SDK1: variants seen among roughly 807,000 people sequenced by gnomAD.
The protein encoded by SDK1 is sidekick cell adhesion molecule 1, also known as protein sidekick-1.
A neutral mutation model predicts 245.5 loss-of-function variants in SDK1; 157 were observed. That is an observed-to-expected ratio of 0.64 (90% confidence interval 0.56 to 0.73). SDK1 has a LOEUF of 0.73. Among genes scored for constraint, SDK1 ranks in the 30% least tolerant of loss-of-function variants. The probability of loss-of-function intolerance (pLI) is 0.00; values close to 1 mark genes in which losing one functional copy is unlikely to be tolerated. For missense variants in SDK1, 3,583 were observed against 3,002.3 expected (o/e 1.19, Z -4.52); for synonymous variants, 1,647 against 1,278.5 (o/e 1.29, Z -6.15).
At chr7:3,424,818 G>A (rs1003735738) in intron 1 of SDK1, among the ~76,000 whole-genome samples, 1 of 152,104 alleles carries the variant, frequency 6.6e-6, no homozygotes, top group South Asian at 2.1e-4. Context: ...GATCCCTTGA[G>A]CCCAGGAAGT....
chr7:3,644,802 A>AAAAAAAAAAAG (rs1297841435), intron 4 of SDK1, among the ~76,000 whole-genome samples: 3 of 133,148 alleles, frequency 2.3e-5, no homozygotes, highest in African/African-American at 2.7e-5. Flanking sequence ...ACAAAAAACA[A>AAAAAAAAAAAG]CAACAACGGC....
intron 5 of SDK1, among the ~76,000 whole-genome samples, chr7:3,929,090 C>T (rs957242036): frequency 1.3e-5 from 2 of 152,222 alleles, no homozygotes; most frequent in Non-Finnish European, 2.9e-5. Flanking sequence ...GAATGCCCCT[C>T]GAAGGAGTCT....
intron 35 of SDK1, among the ~76,000 whole-genome samples, chr7:4,197,551 CA>C (rs1291118601): frequency 6.6e-6 from 1 of 152,184 alleles, no homozygotes; most frequent in Non-Finnish European, 1.5e-5. Flanking sequence ...GCTTCGCGGT[CA>C]AGGCCTAATA....
chr7:4,001,155 G>C (rs1179314121), intron 14 of SDK1, among the ~76,000 whole-genome samples: 1 of 152,190 alleles, frequency 6.6e-6, no homozygotes, highest in African/African-American at 2.4e-5. Context: ...AATACAGCGT[G>C]GCTCCCATAG....
chr7:3,881,357 G>T (rs186193910), intron 5 of SDK1, among the ~76,000 whole-genome samples: 1 of 152,266 alleles, frequency 6.6e-6, no homozygotes, highest in Admixed American at 6.5e-5. Flanking sequence ...TGAAGTGTTT[G>T]GTTTTCTGTT....
At chr7:3,454,998 T>A (rs1443477517) in intron 1 of SDK1, among the ~76,000 whole-genome samples, 1 of 152,230 alleles carries the variant, frequency 6.6e-6, no homozygotes, top group Non-Finnish European at 1.5e-5. Flanking sequence ...TTTGGTGTTA[T>A]CCTTATTTTT....
At chr7:3,591,406 A>G (rs1029945637) in intron 1 of SDK1, among the ~76,000 whole-genome samples, 2 of 152,230 alleles carry the variant, frequency 1.3e-5, no homozygotes, top group Non-Finnish European at 2.9e-5. Flanking sequence ...CTGGCCGCCT[A>G]GGGGAGACCT....
At chr7:4,113,260 G>T (rs368027991) in intron 23 of SDK1, 29 bp from the exon 24 acceptor site, 1 of 1,603,716 alleles carries the variant, frequency 6.2e-7, no homozygotes, top group Admixed American at 1.7e-5. Flanking sequence ...TTGCTTTGCC[G>T]TGACTCTCAT....
In SDK1 at chr7:4,265,187, G is replaced by A. The variant is rs1583207966; in HGVS notation, c.6445G>A (p.Asp2149Asn). Residue 2149 changes from aspartate to asparagine, a missense_variant, in exon 45 of 45, where the codon GAC (aspartate) becomes AAC (asparagine). Physicochemically the swap from Asp to Asn is conservative, Grantham distance 23. Transcript: ENST00000404826. ...KHSFVNHYMS[D>N]PTYYNSWKRR... Reference sequence around the variant, plus strand: ...CTCCTTCGTGAACCACTACATGAGCGACCCCACCTACTACAACTCATGGAA... The same window carrying A: ...CTCCTTCGTGAACCACTACATGAGCAACCCCACCTACTACAACTCATGGAA... 6.2e-7 allele frequency: 1 copy of A among 1,612,178 alleles called. No homozygotes were observed. Among genetic ancestry groups the A allele is most frequent in the East Asian group, 2.2e-5 (1 of 44,848 alleles).
chr7:3,919,068 A>G (rs1395284784), intron 5 of SDK1, among the ~76,000 whole-genome samples: 2 of 152,226 alleles, frequency 1.3e-5, no homozygotes, highest in Non-Finnish European at 2.9e-5. Context: ...AATGTATGCT[A>G]TCACTAATAT....
chr7:3,978,773 A>G (rs1478744547), intron 13 of SDK1, among the ~76,000 whole-genome samples: 1 of 152,212 alleles, frequency 6.6e-6, no homozygotes, highest in Non-Finnish European at 1.5e-5. Context: ...AAAATCTCAT[A>G]TTGCCAAAGG....
At chr7:4,133,530 G>A (rs1243527603) in intron 28 of SDK1, among the ~76,000 whole-genome samples, 1 of 152,212 alleles carries the variant, frequency 6.6e-6, no homozygotes, top group Admixed American at 6.5e-5. Context: ...CTCTGTGGGT[G>A]GAAGTCTCCT....
At chr7:4,222,781 G>T (rs1272728365) in intron 40 of SDK1, among the ~76,000 whole-genome samples, 1 of 152,184 alleles carries the variant, frequency 6.6e-6, no homozygotes, top group Non-Finnish European at 1.5e-5. Context: ...GGTAAAGGAT[G>T]TGAGTTTGGC....
intron 4 of SDK1, among the ~76,000 whole-genome samples, chr7:3,675,886 G>A (rs1783877148): frequency 6.6e-6 from 1 of 152,068 alleles, no homozygotes; most frequent in Non-Finnish European, 1.5e-5. Flanking sequence ...GTTGTTTTTT[G>A]CTTGCTGATT....
At chr7:3,690,666 G>C (rs1374340367) in intron 4 of SDK1, among the ~76,000 whole-genome samples, 2 of 152,286 alleles carry the variant, frequency 1.3e-5, no homozygotes, top group African/African-American at 4.8e-5. Context: ...TAGAAAGTAA[G>C]AAAGCAGGTC....
At chr7:4,150,412 C>T (rs899051133) in intron 30 of SDK1, among the ~76,000 whole-genome samples, 5 of 152,198 alleles carry the variant, frequency 3.3e-5, no homozygotes, top group Admixed American at 6.5e-5. Flanking sequence ...GGGGCCAAGA[C>T]GGTTGTCTCC....
chr7:3,659,477 T>C (rs1783288158), intron 4 of SDK1, among the ~76,000 whole-genome samples: 1 of 152,078 alleles, frequency 6.6e-6, no homozygotes, highest in Non-Finnish European at 1.5e-5. Flanking sequence ...ACATCTGCGT[T>C]TAGTGTTTGC....
At chr7:4,194,221 T>TGC (rs1783408691) in intron 35 of SDK1, among the ~76,000 whole-genome samples, 3 of 151,890 alleles carry the variant, frequency 2.0e-5, no homozygotes, top group East Asian at 1.9e-4. Flanking sequence ...TATATATGTA[T>TGC]ACACGTATGT....
At chr7:4,226,404 T>C (rs614256) in intron 40 of SDK1, among the ~76,000 whole-genome samples, 84,867 of 152,162 alleles carry the variant, frequency 0.56, 24,769 homozygotes, top group African/African-American at 0.68. Flanking sequence ...TTGCAGAGGG[T>C]GGCCAGCGGG....
Sources: allele counts gnomAD v4.1 joint callset (sites outside exome capture counted in the v4.1 genomes callset), GRCh38; gene constraint gnomAD v4.1.1; transcripts MANE v1.5; gene names NCBI Gene and HGNC (gene_info 2026-07-23, HGNC 2026-07-21).